Variants in LAMA3 observed in about 807,000 individuals in gnomAD.
LAMA3 encodes the protein laminin subunit alpha-3.
A neutral mutation model predicts 402.0 loss-of-function variants in LAMA3; 281 were observed. The observed-to-expected ratio is 0.70, with a 90% CI of 0.63 to 0.77. The LOEUF (loss-of-function observed/expected upper bound fraction) is 0.77, where lower values mean the gene tolerates loss of function less well. Ranked by LOEUF, LAMA3 falls within the 30% of genes least tolerant of loss-of-function variation. The pLI, the probability that LAMA3 is intolerant of heterozygous loss-of-function variation, is 0.00. For missense variants in LAMA3, 3,840 were observed against 4,215.5 expected (o/e 0.91, Z 2.47); for synonymous variants, 1,431 against 1,558.4 (o/e 0.92, Z 1.93).
intron 63 of LAMA3, 100 bp downstream of exon 63, chr18:23,928,340 C>G (rs762390482): frequency 2.0e-5 from 16 of 796,058 alleles, no homozygotes; most frequent in Admixed American, 4.0e-5. Context: ...TGATAGCACA[C>G]AGTGTTACAG....
chr18:23,934,011 G>A, intron 67 of LAMA3, 76 bp downstream of exon 67: 1 of 1,438,290 alleles, frequency 7.0e-7, no homozygotes, highest in South Asian at 1.1e-5. Context: ...GGGAGATATT[G>A]GGGAAGGGGG....
chr18:23,846,541 C>T, intron 31 of LAMA3, 33 bp downstream of exon 31: 2 of 1,574,612 alleles, frequency 1.3e-6, no homozygotes, highest in Non-Finnish European at 1.7e-6. Context: ...CCAAGTTCTG[C>T]TCTGGTCCCG....
At chr18:23,732,590 G>A (rs542107418) in intron 2 of LAMA3, among the ~76,000 whole-genome samples, 1 of 152,180 alleles carries the variant, frequency 6.6e-6, no homozygotes, top group South Asian at 2.1e-4. Context: ...GACCTGCAGG[G>A]TGCGCAGGTT....
At chr18:23,710,132 C>T (rs2060963413) in intron 1 of LAMA3, 1 of 702,838 alleles carries the variant, frequency 1.4e-6, no homozygotes, top group African/African-American at 1.8e-5. Flanking sequence ...CCTCTGGAGT[C>T]GCCGTGTCGT....
intron 2 of LAMA3, among the ~76,000 whole-genome samples, chr18:23,717,052 T>A (rs973587775): frequency 6.6e-6 from 1 of 152,188 alleles, no homozygotes; most frequent in Non-Finnish European, 1.5e-5. Context: ...ACACTACCTA[T>A]AATACTGTAG....
At chr18:23,939,096 C>G in intron 67 of LAMA3, 127 bp from the exon 68 acceptor site, 1 of 977,256 alleles carries the variant, frequency 1.0e-6, no homozygotes, top group Non-Finnish European at 1.6e-6. Context: ...CTCCATGGTA[C>G]CAGGCCTTCT....
At chr18:23,812,055 A>G (rs2063082452) in intron 13 of LAMA3, among the ~76,000 whole-genome samples, 1 of 151,698 alleles carries the variant, frequency 6.6e-6, no homozygotes, top group Non-Finnish European at 1.5e-5. Context: ...TTGTATTTTT[A>G]GTAGAGATGG....
intron 74 of LAMA3, among the ~76,000 whole-genome samples, chr18:23,954,081 T>C (rs1321383054): frequency 3.9e-5 from 6 of 152,150 alleles, no homozygotes; most frequent in Non-Finnish European, 7.4e-5. Flanking sequence ...TGGGCTGAGA[T>C]GTGAAGTCAC....
At chr18:23,890,235 G>T (rs1599015677) in intron 42 of LAMA3, 118 bp downstream of exon 42, 1 of 746,896 alleles carries the variant, frequency 1.3e-6, no homozygotes, top group South Asian at 1.4e-5. Flanking sequence ...CCAGCAAGCT[G>T]TCCCCAGGAT....
intron 18 of LAMA3, 55 bp downstream of exon 18, chr18:23,816,542 C>A: frequency 7.1e-7 from 1 of 1,399,790 alleles, no homozygotes; most frequent in Non-Finnish European, 1.0e-6. Context: ...TGGTCTTAGA[C>A]ATTCCTGCCT....
intron 2 of LAMA3, among the ~76,000 whole-genome samples, chr18:23,723,728 G>T (rs10445487): frequency 0.47 from 71,014 of 151,924 alleles, 18,946 homozygotes; most frequent in Non-Finnish European, 0.61. Flanking sequence ...CTCGGGGTCA[G>T]TATCTTCATC....
At chr18:23,858,029 A>G (rs1243442571) in intron 33 of LAMA3, 41 bp downstream of exon 33, 1 of 1,613,540 alleles carries the variant, frequency 6.2e-7, no homozygotes, top group South Asian at 1.1e-5. Context: ...GCTGCCGGTC[A>G]GCAGGAAAGT....
Position 23,827,381 on chromosome 18 carries a change from T to C in LAMA3, c.2737T>C (p.Phe913Leu). 1 of 1,614,206 alleles carries C rather than the reference T, an allele frequency of 6.2e-7. No individual in the cohort carries two copies. The highest frequency in any genetic ancestry group is 8.5e-7 in the Non-Finnish European group (1 of 1,180,032). ...TACCCTGGCTTGTGAGGCCAGACAC[T>C]TCCTGCTTGATGGGGAGCCAAGACC... ...PCTLACEARH[F>L]LLDGEPRPVA... is the part of the protein sequence containing the mutation. The change falls in exon 23 of 75, where the codon TTC becomes CTC. Residue 913 changes from phenylalanine to leucine, a missense_variant. Around this residue, in one of 3 missense-constraint regions of LAMA3, gnomAD observed 2,109 missense variants for 2,376.0 expected, o/e 0.89. Coordinates refer to ENST00000313654, the MANE Select transcript of LAMA3 (RefSeq NM_198129.4).
At chr18:23,939,778 T>C (rs978888489) in intron 68 of LAMA3, among the ~76,000 whole-genome samples, 1 of 152,204 alleles carries the variant, frequency 6.6e-6, no homozygotes, top group Non-Finnish European at 1.5e-5. Flanking sequence ...CAGTGCCAGA[T>C]AGATCATTTT....
chr18:23,730,368 C>CTTTTTTTTTTTTTTTTT (rs11362144), intron 2 of LAMA3, among the ~76,000 whole-genome samples: 1 of 118,652 alleles, frequency 8.4e-6, no homozygotes, highest in East Asian at 2.2e-4. Flanking sequence ...CTTTTTCTTT[C>CTTTTTTTTTTTTTTTTT]TTTTTTTTTT....
At chr18:23,787,556 G>A (rs1280066880) in intron 12 of LAMA3, among the ~76,000 whole-genome samples, 1 of 151,994 alleles carries the variant, frequency 6.6e-6, no homozygotes, top group Non-Finnish European at 1.5e-5. Flanking sequence ...CAAAGACAAA[G>A]AGAAAATCTT....
intron 39 of LAMA3, among the ~76,000 whole-genome samples, chr18:23,878,493 C>T (rs531091093): frequency 4.9e-4 from 74 of 152,350 alleles, no homozygotes; most frequent in African/African-American, 1.7e-3. Flanking sequence ...TGTGTACACA[C>T]ACTCACACAC....
chr18:23,876,383 C>T lies in LAMA3; in HGVS notation c.5088C>T (p.Cys1696=). ...ATTGCAACGGACATTCAAATCAATG[C>T]CAGGATGGCTCAGGCATATGTGTTG... ...PCNCNGHSNQ[C]QDGSGICVNC... is the part of the protein sequence containing the mutation. Residue 1696 remains cysteine (C), a synonymous_variant, in exon 39 of 75, where the codon TGC becomes TGT. Transcript: ENST00000313654. The T allele has an allele frequency of 6.2e-7, 1 of 1,612,272 alleles. No individual in the cohort carries two copies. Among genetic ancestry groups the T allele is most frequent in the Non-Finnish European group, 8.5e-7 (1 of 1,178,258 alleles).
chr18:23,716,249 C>T (rs890714377), intron 2 of LAMA3, among the ~76,000 whole-genome samples: 7 of 152,080 alleles, frequency 4.6e-5, no homozygotes, highest in African/African-American at 1.4e-4. Flanking sequence ...CCTCTGCCTC[C>T]CACGCTCAAG....
Sources: gnomAD v4.1 joint callset for allele counts (sites outside exome capture counted in the v4.1 genomes callset) on GRCh38, gnomAD v4.1.1 for gene constraint, gnomAD v4.1.1 regional missense constraint, MANE v1.5 for transcripts, NCBI Gene and HGNC (gene_info 2026-07-23, HGNC 2026-07-21) for gene names.